MCPH1: variants seen among roughly 807,000 people sequenced by gnomAD.
The protein encoded by MCPH1 is microcephalin 1.
A neutral mutation model predicts 84.5 loss-of-function variants in MCPH1; 104 were observed. The ratio of observed to expected loss-of-function variants is 1.23; its 90% CI spans 1.05 to 1.45. The LOEUF is 1.45. Ranked by LOEUF, MCPH1 falls within the 40% of genes most tolerant of loss-of-function variation. MCPH1 has a pLI of 0.00. For synonymous variants in MCPH1, 514 were observed against 366.8 expected (o/e 1.40, Z -4.58); for missense variants, 1,498 against 1,005.7 (o/e 1.49, Z -6.62).
intron 12 of MCPH1, chr8:6,500,281 A>G (rs947363881): frequency 2.6e-5 from 6 of 230,334 alleles, no homozygotes; most frequent in Non-Finnish European, 5.2e-5. Flanking sequence ...ATAGGTATAA[A>G]GATTATGGCT....
At chr8:6,636,316 T>G (rs2912085) in intron 13 of MCPH1, among the ~76,000 whole-genome samples, 76,029 of 148,072 alleles carry the variant, frequency 0.51, 19,823 homozygotes, top group East Asian at 0.63. Flanking sequence ...CTCCAGCCTG[T>G]GTGACAGAGA....
In MCPH1 at chr8:6,627,100, C is replaced by T. The variant is rs1320143830; in HGVS notation, c.2452+5409C>T. The T allele has an allele frequency of 4.1e-6, 4 of 985,266 alleles. No homozygotes were observed. In the African/African-American group the frequency reaches 5.2e-5, roughly 13 times the overall value. 61.0% of individuals were successfully genotyped at this position (985,266 alleles called of 1,614,324 possible). A position where few individuals can be genotyped will look rare whatever the true frequency, so the allele number is the denominator to read the frequency against. ...GAAAAAGATCCGATAGCATGCAGGCCTTCTCATGCTGGCCTGGCTCATTCA... is the reference window on the plus strand; with the variant it reads ...GAAAAAGATCCGATAGCATGCAGGCTTTCTCATGCTGGCCTGGCTCATTCA... On this transcript the variant is annotated intron_variant, in intron 13 of 13. Coordinates refer to ENST00000344683, the MANE Select transcript of MCPH1 (RefSeq NM_024596.5).
At chr8:6,605,191 G>A (rs1829662650) in intron 12 of MCPH1, among the ~76,000 whole-genome samples, 1 of 152,156 alleles carries the variant, frequency 6.6e-6, no homozygotes, top group Admixed American at 6.5e-5. Flanking sequence ...AATCTGGAAT[G>A]GTTACTCATG....
At chr8:6,468,190 C>G (rs1807230092) in intron 9 of MCPH1, among the ~76,000 whole-genome samples, 2 of 152,200 alleles carry the variant, frequency 1.3e-5, no homozygotes, top group African/African-American at 2.4e-5. Context: ...ACCTCACGGT[C>G]TTGGGCTCTG....
chr8:6,525,203 T>C (rs1818107248), intron 12 of MCPH1, among the ~76,000 whole-genome samples: 1 of 152,174 alleles, frequency 6.6e-6, no homozygotes, highest in Non-Finnish European at 1.5e-5. Context: ...TTAATAATAA[T>C]TATTAGATAT....
At chr8:6,630,963 C>G (rs914462349) in intron 13 of MCPH1, among the ~76,000 whole-genome samples, 2 of 152,148 alleles carry the variant, frequency 1.3e-5, no homozygotes, top group African/African-American at 4.8e-5. Flanking sequence ...AACCTCTCAT[C>G]CAACACAGAA....
chr8:6,438,830 G>C (rs1443502129), intron 5 of MCPH1, 123 bp from the exon 6 acceptor site: 1 of 801,546 alleles, frequency 1.2e-6, no homozygotes, highest in East Asian at 2.7e-5. Context: ...AGCAGGAGTA[G>C]GTAATGATGT....
intron 12 of MCPH1, among the ~76,000 whole-genome samples, chr8:6,549,932 C>T (rs1586565781): frequency 1.3e-5 from 2 of 152,124 alleles, no homozygotes; most frequent in South Asian, 4.1e-4. Context: ...CAGCAGGGCT[C>T]GAGTCTGAGC....
At chr8:6,602,131 A>C (rs1434615552) in intron 12 of MCPH1, among the ~76,000 whole-genome samples, 1 of 152,206 alleles carries the variant, frequency 6.6e-6, no homozygotes, top group Non-Finnish European at 1.5e-5. Context: ...GCAAGGCACA[A>C]AGTGCAGTGA....
intron 9 of MCPH1, among the ~76,000 whole-genome samples, chr8:6,457,360 G>A (rs540065334): frequency 1.9e-4 from 29 of 151,708 alleles, no homozygotes; most frequent in Non-Finnish European, 2.6e-4. Flanking sequence ...TGGGGCGGGC[G>A]GATCACTTGA....
chr8:6,497,458 C>T (rs902203461), intron 11 of MCPH1, among the ~76,000 whole-genome samples: 1 of 152,100 alleles, frequency 6.6e-6, no homozygotes, highest in South Asian at 2.1e-4. Flanking sequence ...GCCAAGATTA[C>T]ACCACTGTAC....
chr8:6,589,916 A>G (rs1290429931), intron 12 of MCPH1, among the ~76,000 whole-genome samples: 2 of 152,254 alleles, frequency 1.3e-5, no homozygotes, highest in Non-Finnish European at 2.9e-5. Context: ...ATAATTCAAT[A>G]GAGAAGTCTC....
At chr8:6,618,523 C>T (rs944805524) in intron 12 of MCPH1, 2 of 152,140 alleles carry the variant, frequency 1.3e-5, no homozygotes, top group Non-Finnish European at 2.9e-5. Context: ...TGGTTAAGAA[C>T]AAGCATTATC....
chr8:6,489,364 C>T (rs971282243), intron 11 of MCPH1, among the ~76,000 whole-genome samples: 1 of 151,886 alleles, frequency 6.6e-6, no homozygotes, highest in Non-Finnish European at 1.5e-5. Context: ...CTGGGGGAGA[C>T]ACCAGGGGAA....
At chr8:6,517,627 T>C (rs2515436) in intron 12 of MCPH1, among the ~76,000 whole-genome samples, 9,209 of 152,310 alleles carry the variant, frequency 0.06, 314 homozygotes, top group African/African-American at 0.079. Flanking sequence ...TTGAAGGCAG[T>C]GAAAATGGTG....
intron 8 of MCPH1, chr8:6,447,303 T>A: frequency 1.0e-6 from 1 of 985,350 alleles, no homozygotes; most frequent in Non-Finnish European, 1.2e-6. Context: ...ATGTCAGGGA[T>A]GCACACTCTA....
chr8:6,453,558 A>C (rs1458756601), intron 8 of MCPH1, among the ~76,000 whole-genome samples: 2 of 152,204 alleles, frequency 1.3e-5, no homozygotes, highest in Non-Finnish European at 2.9e-5. Flanking sequence ...AGGAAGCTGC[A>C]AATTTATTCA....
intron 12 of MCPH1, among the ~76,000 whole-genome samples, chr8:6,505,820 T>C (rs533856459): frequency 1.8e-4 from 25 of 140,084 alleles, no homozygotes; most frequent in Non-Finnish European, 3.2e-4. Flanking sequence ...TTTATATATG[T>C]ATATATAAAA....
At chr8:6,636,012 G>A (rs1232778790) in intron 13 of MCPH1, among the ~76,000 whole-genome samples, 2 of 152,214 alleles carry the variant, frequency 1.3e-5, no homozygotes, top group Admixed American at 1.3e-4. Flanking sequence ...GTGAATAAGT[G>A]TAAGGAAATG....
Sources: allele counts gnomAD v4.1 joint callset (sites outside exome capture counted in the v4.1 genomes callset), GRCh38; gene constraint gnomAD v4.1.1; transcripts MANE v1.5; gene names NCBI Gene and HGNC (gene_info 2026-07-23, HGNC 2026-07-21).